The following PFKL variants were observed in gnomAD, a reference collection of about 807,000 sequenced individuals.
PFKL encodes ATP-dependent 6-phosphofructokinase, liver type.
PFKL carries 74 observed loss-of-function variants against 92.1 expected under a neutral mutation model. The ratio of observed to expected loss-of-function variants is 0.80; its 90% CI spans 0.67 to 0.97. The LOEUF (loss-of-function observed/expected upper bound fraction) is 0.97, where lower values mean the gene tolerates loss of function less well. Among genes scored for constraint, PFKL ranks in the 50% least tolerant of loss-of-function variants. The pLI, the probability that PFKL is intolerant of heterozygous loss-of-function variation, is 0.00. For missense variants in PFKL, 1,028 were observed against 1,116.6 expected (o/e 0.92, Z 1.13); for synonymous variants, 494 against 456.4 (o/e 1.08, Z -1.05).
intron 2 of PFKL, among the ~76,000 whole-genome samples, chr21:44,308,089 C>T (rs557602468): frequency 6.6e-5 from 10 of 152,130 alleles, no homozygotes; most frequent in South Asian, 2.1e-4. Context: ...GTGAGGCCCT[C>T]GGAGGTGGGG....
chr21:44,306,745 C>T lies in PFKL; in HGVS notation c.150C>T (p.Leu50=), dbSNP rs1181043967. Residue 50 remains leucine (L), a synonymous_variant, in exon 2 of 22, where the codon CTC becomes CTT. Coordinates refer to ENST00000349048, the MANE Select transcript of PFKL (RefSeq NM_002626.6). ...TTTATGTGGGTGCCAAAGTCTTCCTCATCTACGAGGTAAGGCCAAGGTGGG... is the reference window on the plus strand; with the variant it reads ...TTTATGTGGGTGCCAAAGTCTTCCTTATCTACGAGGTAAGGCCAAGGTGGG... ...MGIYVGAKVF[L]IYEGYEGLVE... The T allele has an allele frequency of 3.1e-6, 5 of 1,613,716 alleles. No individual in the cohort carries two copies. The highest frequency in any genetic ancestry group is 2.2e-5 in the East Asian group (1 of 44,892).
intron 1 of PFKL, among the ~76,000 whole-genome samples, chr21:44,304,664 G>A (rs1176280845): frequency 1.3e-5 from 2 of 149,018 alleles, no homozygotes; most frequent in Non-Finnish European, 3.0e-5. Flanking sequence ...TTTGGTTGTC[G>A]GGTGCTTGGG....
At position 44,327,367 on chromosome 21, in the gene PFKL, C is replaced by G. The variant is rs562152177; in HGVS notation, c.*505C>G. Reference sequence around the variant, plus strand: ...CCCTGACTGTGGGGTGCATCGGTCTCCGGAGAGCACAGCCTGCAGAACTCC... The same window carrying G: ...CCCTGACTGTGGGGTGCATCGGTCTGCGGAGAGCACAGCCTGCAGAACTCC... On this transcript the variant is annotated 3_prime_UTR_variant, in exon 22 of 22. Coordinates refer to ENST00000349048, the MANE Select transcript of PFKL (RefSeq NM_002626.6). The G allele has an allele frequency of 5.9e-6, 1 of 170,244 alleles. No individual in the cohort carries two copies. The highest frequency in any genetic ancestry group is 1.5e-4 in the South Asian group (1 of 6,814). 10.5% of individuals were successfully genotyped at this position (170,244 alleles called of 1,614,324 possible).
Position 44,316,260 on chromosome 21 carries a change from C to G in PFKL, c.764C>G (p.Ser255Cys). The G allele has an allele frequency of 6.2e-7, 1 of 1,613,096 alleles. No individual in the cohort carries two copies. The change falls in exon 8 of 22, where the codon TCC (serine) becomes TGC (cysteine). Residue 255 changes from serine (S) to cysteine (C), a missense_variant. Physicochemically the swap from Ser to Cys is moderately radical, Grantham distance 112 (BLOSUM62 -1). Transcript: ENST00000349048. Reference protein sequence around the residue: ...ERLGETRSRGSRLNIIIIAEG... With the variant: ...ERLGETRSRGCRLNIIIIAEG... The stretch of plus-strand genomic sequence containing the variant: ...TTGACCCAGACTCGGAGCCGTGGGT[C>G]CCGACTGAACATCATCATCATCGCT...
chr21:44,316,727 G>A (rs961815888), intron 9 of PFKL, among the ~76,000 whole-genome samples: 7 of 151,934 alleles, frequency 4.6e-5, no homozygotes, highest in Admixed American at 3.3e-4. Context: ...GTCCGTGTGG[G>A]TGTGTGTGGC....
At chr21:44,310,915 T>C in intron 2 of PFKL, 91 bp from the exon 3 acceptor site, 1 of 883,222 alleles carries the variant, frequency 1.1e-6, no homozygotes, top group South Asian at 1.4e-5. Context: ...TCCTGCTTTC[T>C]GCTGGTGGGG....
intron 9 of PFKL, among the ~76,000 whole-genome samples, chr21:44,316,923 A>C (rs2047225180): frequency 2.0e-5 from 3 of 152,164 alleles, no homozygotes. Flanking sequence ...ACCCTCTGCC[A>C]GCCCAACGTG....
chr21:44,307,721 A>G (rs971488479), intron 2 of PFKL, among the ~76,000 whole-genome samples: 3 of 151,620 alleles, frequency 2.0e-5, no homozygotes, highest in African/African-American at 4.8e-5. Flanking sequence ...CCCTGTGGCC[A>G]GGCTGGGGCC....
chr21:44,307,423 C>A, intron 2 of PFKL: 1 of 491,822 alleles, frequency 2.0e-6, no homozygotes, highest in Non-Finnish European at 2.6e-6. Context: ...TGCATTCTTG[C>A]CTTGTCAGGT....
intron 21 of PFKL, 79 bp from the exon 22 acceptor site, chr21:44,326,636 G>C (rs2047521131): frequency 7.6e-7 from 1 of 1,324,452 alleles, no homozygotes; most frequent in Non-Finnish European, 1.0e-6. Context: ...GTCGGGGGGG[G>C]TGGGGGGGCT....
At chr21:44,305,436 T>C (rs536711040) in intron 1 of PFKL, 4 of 1,227,650 alleles carry the variant, frequency 3.3e-6, no homozygotes, top group Non-Finnish European at 4.4e-6. Context: ...CTCCAGCCTC[T>C]GCAAGTACAG....
intron 9 of PFKL, among the ~76,000 whole-genome samples, chr21:44,317,360 T>C (rs1478463433): frequency 6.6e-6 from 1 of 152,026 alleles, no homozygotes; most frequent in Non-Finnish European, 1.5e-5. Flanking sequence ...GGCCACTCTA[T>C]AGAGGGGAGG....
intron 1 of PFKL, among the ~76,000 whole-genome samples, chr21:44,302,015 T>G (rs2040788557): frequency 6.6e-6 from 1 of 152,122 alleles, no homozygotes; most frequent in Non-Finnish European, 1.5e-5. Context: ...TGGTGGAGGA[T>G]CTGGAGATGG....
At chr21:44,306,553 C>G in intron 1 of PFKL, 128 bp from the exon 2 acceptor site, 1 of 769,474 alleles carries the variant, frequency 1.3e-6, no homozygotes, top group Non-Finnish European at 2.2e-6. Context: ...GGGCCTTCCC[C>G]CACCACCCGC....
chr21:44,325,018 C>G (rs547977359), intron 18 of PFKL, 101 bp downstream of exon 18: 1 of 1,278,522 alleles, frequency 7.8e-7, no homozygotes. Flanking sequence ...CAGGAGGGGT[C>G]CTTGGAGAGG....
At chr21:44,325,654 T>G (rs951863690) in intron 19 of PFKL, 6 of 493,880 alleles carry the variant, frequency 1.2e-5, no homozygotes, top group Admixed American at 3.4e-5. Flanking sequence ...TGGCTGGGCA[T>G]GGGGCCCGAG....
intron 1 of PFKL, among the ~76,000 whole-genome samples, chr21:44,303,994 C>T (rs1426838688): frequency 1.3e-5 from 2 of 149,422 alleles, no homozygotes; most frequent in African/African-American, 5.0e-5. Flanking sequence ...ATGAGGTTAA[C>T]AGAGAAAATT....
In PFKL at chr21:44,305,393, A is replaced by C. The variant is rs764137051; in HGVS notation, c.86-1288A>C. On this transcript the variant is annotated intron_variant, in intron 1 of 21. Coordinates refer to ENST00000349048, the MANE Select transcript of PFKL (RefSeq NM_002626.6). Reference sequence around the variant, plus strand: ...GTCTCCATGTTCAAGGGAGCTGCCGAGGCTTGAGCAGGAGCCCCCAGCAGG... The same window carrying C: ...GTCTCCATGTTCAAGGGAGCTGCCGCGGCTTGAGCAGGAGCCCCCAGCAGG... The C allele has an allele frequency of 5.2e-6, 7 of 1,356,642 alleles. No homozygotes were observed. In the South Asian group the frequency reaches 6.9e-5, roughly 13 times the overall value. The allele number at this position is 1,356,642 out of a possible 1,614,324, so 84.0% of individuals were successfully genotyped here.
intron 13 of PFKL, 48 bp downstream of exon 13, chr21:44,321,923 C>T (rs1195414430): frequency 1.3e-6 from 2 of 1,512,158 alleles, no homozygotes; most frequent in African/African-American, 1.4e-5. Flanking sequence ...CTTCTGTGTG[C>T]ACACTTGGGG....
Sources: gnomAD v4.1 joint callset for allele counts (sites outside exome capture counted in the v4.1 genomes callset) on GRCh38, gnomAD v4.1.1 for gene constraint, MANE v1.5 for transcripts, NCBI Gene and HGNC (gene_info 2026-07-23, HGNC 2026-07-21) for gene names.